The following GLIS3 variants were observed in gnomAD, a reference collection of about 807,000 sequenced individuals.
The protein encoded by GLIS3 is GLIS family zinc finger 3, also known as zinc finger protein GLIS3.
A neutral mutation model predicts 78.6 loss-of-function variants in GLIS3; 53 were observed. The observed-to-expected ratio is 0.67, with a 90% CI of 0.54 to 0.85. GLIS3 has a LOEUF of 0.85. GLIS3 is among the 40% of genes least tolerant of loss of function. The pLI, the probability that GLIS3 is intolerant of heterozygous loss-of-function variation, is 0.00. For missense variants in GLIS3, 1,703 were observed against 1,231.1 expected (o/e 1.38, Z -5.74); for synonymous variants, 684 against 509.9 (o/e 1.34, Z -4.60).
At chr9:4,338,166 G>T (rs932503458) in intron 2 of GLIS3, among the ~76,000 whole-genome samples, 1 of 152,022 alleles carries the variant, frequency 6.6e-6, no homozygotes, top group African/African-American at 2.4e-5. Context: ...GACTAGACAA[G>T]TTTCCTTGAA....
intron 4 of GLIS3, among the ~76,000 whole-genome samples, chr9:3,990,317 C>T (rs1197867732): frequency 6.6e-6 from 1 of 152,174 alleles, no homozygotes; most frequent in Non-Finnish European, 1.5e-5. Flanking sequence ...GAGATGCTAG[C>T]AAACATCCTA....
At chr9:4,309,693 A>G (rs1817312606) in intron 3 of GLIS3, among the ~76,000 whole-genome samples, 1 of 152,206 alleles carries the variant, frequency 6.6e-6, no homozygotes. Context: ...CTGAAAGTAG[A>G]AGTTCCATAT....
chr9:4,333,238 G>GAGGAGAAGCAAAGGAAA (rs1554659426), intron 2 of GLIS3, among the ~76,000 whole-genome samples: 1 of 145,186 alleles, frequency 6.9e-6, no homozygotes, highest in Non-Finnish European at 1.5e-5. Context: ...AGGAAAAGTG[G>GAGGAGAAGCAAAGGAAA]AGGGGAAGGA....
At chr9:4,050,494 G>A (rs1464383603) in intron 4 of GLIS3, among the ~76,000 whole-genome samples, 3 of 152,082 alleles carry the variant, frequency 2.0e-5, no homozygotes, top group African/African-American at 4.8e-5. Context: ...AATACCTAAT[G>A]TACATGACAA....
chr9:4,486,671 C>T, the GLIS3 span, among the ~76,000 whole-genome samples: 1 of 152,098 alleles, frequency 6.6e-6, no homozygotes, highest in Admixed American at 6.6e-5. Context: ...CTTCAGGGGA[C>T]CAAGGGCCTT....
chr9:4,479,445 C>A, the GLIS3 span, among the ~76,000 whole-genome samples: 16 of 152,084 alleles, frequency 1.1e-4, no homozygotes, highest in African/African-American at 3.9e-4. Context: ...GGGCTCAGGG[C>A]ATTTACCTAC....
intron 7 of GLIS3, among the ~76,000 whole-genome samples, chr9:3,889,743 C>A (rs1384794122): frequency 1.3e-5 from 2 of 152,200 alleles, no homozygotes; most frequent in African/African-American, 4.8e-5. Flanking sequence ...TGTTCACATT[C>A]TTCAGGCAAC....
At chr9:4,481,722 G>T in the GLIS3 span, among the ~76,000 whole-genome samples, 1 of 152,130 alleles carries the variant, frequency 6.6e-6, no homozygotes, top group Non-Finnish European at 1.5e-5. Context: ...CTGGGGTGAA[G>T]AGCCCTTGTG....
At chr9:4,238,481 A>G (rs1008376135) in intron 2 of GLIS3, among the ~76,000 whole-genome samples, 1 of 152,216 alleles carries the variant, frequency 6.6e-6, no homozygotes, top group South Asian at 2.1e-4. Flanking sequence ...GCAGTTTACA[A>G]TAATTTTTAA....
In GLIS3 at chr9:4,082,596, A is replaced by G. The variant is rs375939781; in HGVS notation, c.1710+35172T>C. ...CGAAGCTGAAATCTTCTGACAGTCCATAATTATGTGCTGAGAACTCTAATG... is the reference window on the plus strand; with the variant it reads ...CGAAGCTGAAATCTTCTGACAGTCCGTAATTATGTGCTGAGAACTCTAATG... On this transcript the variant is annotated intron_variant, in intron 4 of 10. Coordinates refer to ENST00000381971, the MANE Select transcript of GLIS3 (RefSeq NM_001042413.2). 9.3e-4 allele frequency among the ~76,000 whole-genome samples: 142 copies of G among 152,320 alleles called. 4 individuals carry two copies. The South Asian group carries it at 0.028, about 30-fold the overall frequency.
intron 2 of GLIS3, among the ~76,000 whole-genome samples, chr9:4,270,983 C>A (rs900583084): frequency 2.0e-5 from 3 of 151,580 alleles, no homozygotes; most frequent in African/African-American, 4.9e-5. Flanking sequence ...CACAGATTCA[C>A]TTAAATATAA....
At chr9:4,356,455 C>G in the GLIS3 span, among the ~76,000 whole-genome samples, 1 of 152,208 alleles carries the variant, frequency 6.6e-6, no homozygotes, top group Non-Finnish European at 1.5e-5. Context: ...CCAGAGATAA[C>G]AACTTTCACA....
At chr9:3,988,507 T>C (rs191009464) in intron 4 of GLIS3, among the ~76,000 whole-genome samples, 46 of 152,334 alleles carry the variant, frequency 3.0e-4, no homozygotes, top group Non-Finnish European at 5.7e-4. Context: ...GGCACAGCCC[T>C]ATATTAATGT....
At chr9:4,129,917 C>T (rs1770394) in intron 2 of GLIS3, among the ~76,000 whole-genome samples, 102,592 of 152,026 alleles carry the variant, frequency 0.67, 34,971 homozygotes, top group South Asian at 0.73. Context: ...AAAATGCTGA[C>T]AGTGATATGG....
the GLIS3 span, among the ~76,000 whole-genome samples, chr9:4,476,117 T>C: frequency 2.0e-5 from 3 of 152,252 alleles, no homozygotes; most frequent in South Asian, 6.2e-4. Flanking sequence ...ATTATGAAAT[T>C]CTTAAAAACC....
chr9:4,488,301 T>C, the GLIS3 span, among the ~76,000 whole-genome samples: 1 of 152,192 alleles, frequency 6.6e-6, no homozygotes, highest in African/African-American at 2.4e-5. Flanking sequence ...CATGCAATTT[T>C]AGTATTTCTT....
chr9:4,134,923 G>A (rs1057004938), intron 2 of GLIS3, among the ~76,000 whole-genome samples: 1 of 152,164 alleles, frequency 6.6e-6, no homozygotes, highest in Non-Finnish European at 1.5e-5. Context: ...TGAAAGAGCT[G>A]CCCTGGACTA....
intron 4 of GLIS3, among the ~76,000 whole-genome samples, chr9:3,944,599 T>C (rs553817541): frequency 2.4e-4 from 36 of 152,362 alleles, no homozygotes; most frequent in African/African-American, 8.4e-4. Flanking sequence ...TTATTAGCAC[T>C]GATTTCATGC....
At chr9:4,183,874 A>G (rs959474280) in intron 2 of GLIS3, among the ~76,000 whole-genome samples, 5 of 152,214 alleles carry the variant, frequency 3.3e-5, no homozygotes, top group African/African-American at 9.6e-5. Flanking sequence ...TTAAGGGCAG[A>G]GAACTATAAA....
Sources: allele counts gnomAD v4.1 joint callset (sites outside exome capture counted in the v4.1 genomes callset), GRCh38; gene constraint gnomAD v4.1.1; transcripts MANE v1.5; gene names NCBI Gene and HGNC (gene_info 2026-07-23, HGNC 2026-07-21).